Variants in DGKI observed in about 807,000 individuals in gnomAD.
DGKI encodes diacylglycerol kinase iota.
A neutral mutation model predicts 147.5 loss-of-function variants in DGKI; 55 were observed. The observed-to-expected ratio is 0.37, with a 90% CI of 0.30 to 0.47. The LOEUF is 0.47. Ranked by LOEUF, DGKI falls within the 20% of genes least tolerant of loss-of-function variation. The pLI, the probability that DGKI is intolerant of heterozygous loss-of-function variation, is 1.00. For missense variants in DGKI, 1,007 were observed against 1,323.8 expected, an observed-to-expected ratio of 0.76 and a Z score of 3.71; for synonymous variants, 469 against 477.1, an observed-to-expected ratio of 0.98 and a Z score of 0.22.
At chr7:137,596,001 C>CAAAAAAAAAAAAAAAAAAAAAAAAAA (rs71177914) in intron 12 of DGKI, among the ~76,000 whole-genome samples, 1 of 44,400 alleles carries the variant, frequency 2.3e-5, no homozygotes, top group African/African-American at 8.6e-5. Context: ...GACTCCGTCT[C>CAAAAAAAAAAAAAAAAAAAAAAAAAA]AAAAAAAAAA....
At chr7:137,544,706 A>G (rs1817810734) in intron 20 of DGKI, among the ~76,000 whole-genome samples, 1 of 152,188 alleles carries the variant, frequency 6.6e-6, no homozygotes, top group Non-Finnish European at 1.5e-5. Flanking sequence ...AAGAAAACCA[A>G]TCAATCATTG....
In DGKI at chr7:137,514,046, C is replaced by T. The variant is rs1816668393; in HGVS notation, c.2248+7820G>A. On this transcript the variant is annotated intron_variant, in intron 21 of 32. Coordinates refer to ENST00000614521, the MANE Select transcript of DGKI (RefSeq NM_001321708.2). Reference sequence around the variant, plus strand: ...CTGCATGCTACTGTCTAGAGCTTGTCTCAATGGATCTAGAACTTCATCGCC... The same window carrying T: ...CTGCATGCTACTGTCTAGAGCTTGTTTCAATGGATCTAGAACTTCATCGCC... 3.9e-5 allele frequency: 23 copies of T among 583,316 alleles called. 1 individual carries two copies. The highest frequency in any genetic ancestry group is 3.7e-4 in the South Asian group (23 of 62,350). The allele number at this position is 583,316 out of a possible 1,614,324, so 36.1% of individuals were successfully genotyped here.
chr7:137,536,839 C>T (rs1817537017), intron 20 of DGKI, among the ~76,000 whole-genome samples: 1 of 151,914 alleles, frequency 6.6e-6, no homozygotes, highest in African/African-American at 2.4e-5. Context: ...CACTAGACCT[C>T]TCAGAGTGGA....
At chr7:137,782,253 G>A (rs1796541499) in intron 1 of DGKI, among the ~76,000 whole-genome samples, 2 of 152,152 alleles carry the variant, frequency 1.3e-5, no homozygotes, top group South Asian at 2.1e-4. Context: ...TGTCGTGGGG[G>A]CATGATGAGA....
chr7:137,626,659 G>T (rs373604914), intron 6 of DGKI, among the ~76,000 whole-genome samples: 1 of 152,154 alleles, frequency 6.6e-6, no homozygotes, highest in Non-Finnish European at 1.5e-5. Context: ...AAAGGCTACA[G>T]CGACACCTTG....
At chr7:137,691,992 G>T (rs1358084385) in intron 1 of DGKI, among the ~76,000 whole-genome samples, 3 of 151,888 alleles carry the variant, frequency 2.0e-5, no homozygotes, top group Non-Finnish European at 4.4e-5. Context: ...GAAGATGGAG[G>T]CCTTTAATGA....
chr7:137,784,688 C>A (rs1173756430), intron 1 of DGKI, among the ~76,000 whole-genome samples: 3 of 152,088 alleles, frequency 2.0e-5, no homozygotes, highest in African/African-American at 7.2e-5. Flanking sequence ...TTCATCAGCA[C>A]ATGGTACATT....
chr7:137,811,376 TCTCTCTCTCACACA>T (rs1797569968), intron 1 of DGKI, among the ~76,000 whole-genome samples: 2 of 102,530 alleles, frequency 2.0e-5, no homozygotes, highest in East Asian at 2.2e-4. Context: ...TCTCTCTCTC[TCTCTCTCTCACACA>T]CACACACACA....
chr7:137,641,891 T>C (rs1393097693), intron 6 of DGKI, among the ~76,000 whole-genome samples: 1 of 152,260 alleles, frequency 6.6e-6, no homozygotes, highest in Non-Finnish European at 1.5e-5. Flanking sequence ...GGTTTGGATG[T>C]TTGCTTCCCT....
chr7:137,500,308 A>G (rs186912817), intron 21 of DGKI, among the ~76,000 whole-genome samples: 1 of 152,348 alleles, frequency 6.6e-6, no homozygotes, highest in East Asian at 1.9e-4. Context: ...TAATTGGTTG[A>G]GAAATCCATT....
At chr7:137,438,912 C>A (rs953654975) in intron 28 of DGKI, among the ~76,000 whole-genome samples, 10 of 152,172 alleles carry the variant, frequency 6.6e-5, no homozygotes, top group Non-Finnish European at 1.3e-4. Context: ...TATAGGAATA[C>A]ATATATGAGT....
intron 21 of DGKI, among the ~76,000 whole-genome samples, chr7:137,498,164 A>C (rs1310951711): frequency 1.3e-5 from 2 of 151,860 alleles, no homozygotes; most frequent in Admixed American, 6.6e-5. Flanking sequence ...TTTGAAAATA[A>C]AAATTTGATA....
chr7:137,450,161 T>C (rs1813895396), intron 27 of DGKI, among the ~76,000 whole-genome samples: 1 of 152,120 alleles, frequency 6.6e-6, no homozygotes, highest in Non-Finnish European at 1.5e-5. Flanking sequence ...GACATGCTCT[T>C]CAAAGTAGAC....
chr7:137,500,535 C>T (rs1051840902), intron 21 of DGKI, among the ~76,000 whole-genome samples: 1 of 152,098 alleles, frequency 6.6e-6, no homozygotes, highest in Admixed American at 6.6e-5. Flanking sequence ...TCATAAAAAA[C>T]TTTTAAAGTC....
chr7:137,632,583 G>A (rs150283560), intron 6 of DGKI, among the ~76,000 whole-genome samples: 4,248 of 152,238 alleles, frequency 0.028, 168 homozygotes, highest in African/African-American at 0.093. Flanking sequence ...TACAGGCCGG[G>A]CATGGTGGCT....
chr7:137,672,539 C>G (rs1189743259), intron 3 of DGKI, among the ~76,000 whole-genome samples: 1 of 152,186 alleles, frequency 6.6e-6, no homozygotes, highest in Non-Finnish European at 1.5e-5. Context: ...CTTAAAACAA[C>G]AGAAATGTAT....
At chr7:137,395,482 G>A (rs886223342) in intron 32 of DGKI, 116 bp downstream of exon 32, 1 of 910,108 alleles carries the variant, frequency 1.1e-6, no homozygotes. Flanking sequence ...TTTTTCCAAA[G>A]CCCCAGGCAC....
intron 1 of DGKI, among the ~76,000 whole-genome samples, chr7:137,728,552 T>C (rs1161411231): frequency 6.6e-6 from 1 of 152,120 alleles, no homozygotes; most frequent in Non-Finnish European, 1.5e-5. Flanking sequence ...GCTGGATGCA[T>C]TGAGGGTAAG....
rs35613517 is a variant in DGKI, at chr7:137,448,300, C to CAA, written c.2736-4200_2736-4199dup. Among the ~76,000 whole-genome samples the CAA allele has an allele frequency of 3.6e-3, 284 of 79,934 alleles. 1 individual carries two copies. Among genetic ancestry groups the CAA allele is most frequent in the African/African-American group, 0.013 (264 of 20,392 alleles). The allele number at this position is 79,934 out of a possible 152,430, so 52.4% of individuals were successfully genotyped here. ...GACCATCCATCCCAAACTAGAAGCT[C>CAA]AAAAAAAAAAAAAAAAAAACTCACC... On this transcript the variant is annotated intron_variant, in intron 27 of 32. Transcript: ENST00000614521.
Sources: allele counts gnomAD v4.1 joint callset (sites outside exome capture counted in the v4.1 genomes callset), GRCh38; gene constraint gnomAD v4.1.1; transcripts MANE v1.5; gene names NCBI Gene and HGNC (gene_info 2026-07-23, HGNC 2026-07-21).